Variants in UGT2B7 observed in about 807,000 individuals in gnomAD.
The protein encoded by UGT2B7 is UDP-glucuronosyltransferase 2B7.
In UGT2B7, 51 loss-of-function variants were observed where a neutral mutation model predicts 51.9. The ratio of observed to expected loss-of-function variants is 0.98; its 90% CI spans 0.78 to 1.24. The LOEUF is 1.24. Among genes scored for constraint, UGT2B7 ranks in the 50% most tolerant of loss-of-function variants. The probability of loss-of-function intolerance (pLI) is 0.00; values close to 1 mark genes in which losing one functional copy is unlikely to be tolerated. For missense variants in UGT2B7, 727 were observed against 628.4 expected (o/e 1.16, Z -1.68); for synonymous variants, 225 against 211.6 (o/e 1.06, Z -0.55).
intron 1 of UGT2B7, among the ~76,000 whole-genome samples, chr4:69,052,159 G>A (rs541084223): frequency 1.5e-4 from 23 of 152,178 alleles, no homozygotes; most frequent in African/African-American, 5.5e-4. Context: ...ACATCAGAAG[G>A]AAGCCTGGAC....
intron 1 of UGT2B7, among the ~76,000 whole-genome samples, chr4:69,068,695 G>A (rs1489204145): frequency 1.3e-5 from 2 of 151,826 alleles, no homozygotes; most frequent in African/African-American, 4.8e-5. Context: ...GCCCTCTTCT[G>A]AAAAACACAG....
chr4:69,077,534 C>T (rs1435655874), intron 1 of UGT2B7, among the ~76,000 whole-genome samples: 1 of 151,296 alleles, frequency 6.6e-6, no homozygotes, highest in East Asian at 1.9e-4. Flanking sequence ...GTATTTTATT[C>T]TCTTTGTGTC....
At position 69,104,941 on chromosome 4, in the gene UGT2B7, G is replaced by A. The variant is rs143961937; in HGVS notation, c.1002+2003G>A. Among the ~76,000 whole-genome samples, 275 of 152,168 alleles carry A rather than the reference G, an allele frequency of 1.8e-3. 2 individuals carry two copies. Among genetic ancestry groups the A allele is most frequent in the African/African-American group, 6.4e-3 (267 of 41,510 alleles). ...AGAGGTGTATCTGAGTAATGTTCAG[G>A]GTACTATTCAGAGACAGAACAGCCT... On this transcript the variant is annotated intron_variant, in intron 3 of 5. Coordinates refer to ENST00000305231, the MANE Select transcript of UGT2B7 (RefSeq NM_001074.4).
chr4:69,109,649 A>C (rs913203772), intron 5 of UGT2B7, among the ~76,000 whole-genome samples: 7 of 152,144 alleles, frequency 4.6e-5, no homozygotes, highest in African/African-American at 1.7e-4. Context: ...TAACTTGTAA[A>C]TATTTTGTCC....
intron 3 of UGT2B7, among the ~76,000 whole-genome samples, 187 bp downstream of exon 3, chr4:69,103,125 TTAAG>T (rs201602262): frequency 0.025 from 3,751 of 152,022 alleles, 115 homozygotes; most frequent in South Asian, 0.12. Context: ...TTAAATGGTG[TTAAG>T]TATGAACATT....
At chr4:69,103,234 T>G (rs1221494017) in intron 3 of UGT2B7, among the ~76,000 whole-genome samples, 1 of 152,074 alleles carries the variant, frequency 6.6e-6, no homozygotes, top group African/African-American at 2.4e-5. Flanking sequence ...AATTTTGAAT[T>G]GTGTATGTGA....
intron 1 of UGT2B7, among the ~76,000 whole-genome samples, chr4:69,057,844 C>T (rs1465739350): frequency 1.3e-5 from 2 of 152,142 alleles, no homozygotes; most frequent in African/African-American, 2.4e-5. Flanking sequence ...GCTGAGAGCT[C>T]TCTGTGAATT....
intron 1 of UGT2B7, among the ~76,000 whole-genome samples, chr4:69,082,476 A>G (rs1257519955): frequency 1.3e-5 from 2 of 152,082 alleles, no homozygotes; most frequent in Non-Finnish European, 2.9e-5. Context: ...AAATGGTAAA[A>G]AAGTAAAACC....
chr4:69,108,355 T>C, intron 5 of UGT2B7, 33 bp downstream of exon 5: 1 of 1,607,130 alleles, frequency 6.2e-7, no homozygotes, highest in Non-Finnish European at 8.5e-7. Context: ...CTAGGTGGTA[T>C]TTACAGATAG....
Position 69,073,649 on chromosome 4 carries a change from C to A in UGT2B7, c.-158-15823C>A, listed in dbSNP as rs528156650. 9.7e-4 allele frequency among the ~76,000 whole-genome samples: 148 copies of A among 152,238 alleles called. 1 individual carries two copies. The highest frequency in any genetic ancestry group is 1.7e-3 in the Non-Finnish European group (116 of 68,018). Reference sequence around the variant, plus strand: ...GCAAGAGTTAAGTCAGAATGAAATACACTTGAGACAAACACATTGAATAGG... The same window carrying A: ...GCAAGAGTTAAGTCAGAATGAAATAAACTTGAGACAAACACATTGAATAGG... On this transcript the variant is annotated intron_variant, in intron 1 of 5. Coordinates refer to the UGT2B7 transcript ENST00000502942.
chr4:69,074,421 A>C (rs1386152747), intron 1 of UGT2B7, among the ~76,000 whole-genome samples: 2 of 92,190 alleles, frequency 2.2e-5, no homozygotes, highest in Non-Finnish European at 3.9e-5. Flanking sequence ...ATAACACCTT[A>C]TCTTAAATAT....
rs749983289 is a variant in UGT2B7, at chr4:69,098,594, G to A, written c.776G>A (p.Arg259Gln). 54 of 1,611,398 alleles carry A rather than the reference G, an allele frequency of 3.4e-5. 1 individual carries two copies. Among genetic ancestry groups the A allele is most frequent in the East Asian group, 1.8e-4 (8 of 44,764 alleles). The change falls in exon 2 of 6, where the codon CGA becomes CAA. Residue 259 changes from arginine (R) to glutamine (Q), a missense_variant. Coordinates refer to ENST00000305231, the MANE Select transcript of UGT2B7 (RefSeq NM_001074.4). ...GGGAAAGCTGACGTATGGCTTATTC[G>A]AAACTCCTGGAATTTTCAGTTTCCA... ...TMGKADVWLI[R>Q]NSWNFQFPYP...
rs1393057273 is a variant in UGT2B7, at chr4:69,107,170, A to C, written c.1003-5A>C. 6.2e-6 allele frequency: 10 copies of C among 1,606,428 alleles called. No individual in the cohort carries two copies. The highest frequency in any genetic ancestry group is 8.5e-6 in the Non-Finnish European group (10 of 1,175,892). Reference sequence around the variant, plus strand: ...TGGAATAAAATATTTTCTTTATTGTAACAGGTTCTGTGGAGATTTGATGGG... The same window carrying C: ...TGGAATAAAATATTTTCTTTATTGTCACAGGTTCTGTGGAGATTTGATGGG... On this transcript the variant is annotated splice_region_variant and splice_polypyrimidine_tract_variant and intron_variant, in intron 3 of 5. Transcript: ENST00000305231.
intron 1 of UGT2B7, among the ~76,000 whole-genome samples, chr4:69,078,039 T>G (rs1213275059): frequency 1.3e-5 from 2 of 152,148 alleles, no homozygotes; most frequent in Non-Finnish European, 2.9e-5. Context: ...GAGACAATCA[T>G]GTTTTTTTTG....
At chr4:69,099,914 A>G (rs1312245278) in intron 2 of UGT2B7, among the ~76,000 whole-genome samples, 1 of 152,040 alleles carries the variant, frequency 6.6e-6, no homozygotes, top group Non-Finnish European at 1.5e-5. Flanking sequence ...ATCAGTTTTG[A>G]CAGTAAGATG....
chr4:69,073,110 C>T lies in UGT2B7; in HGVS notation c.-158-16362C>T, dbSNP rs537810959. Among the ~76,000 whole-genome samples, 4 of 152,164 alleles carry T rather than the reference C, an allele frequency of 2.6e-5. No individual in the cohort carries two copies. The South Asian group carries it at 8.3e-4, about 32-fold the overall frequency. ...TACTAGCGGGTTGGATTTTTGATTTCAGTAGTAGCTAGCTCAGACTTGGTT... is the reference window on the plus strand; with the variant it reads ...TACTAGCGGGTTGGATTTTTGATTTTAGTAGTAGCTAGCTCAGACTTGGTT... On this transcript the variant is annotated intron_variant, in intron 1 of 5. Transcript: ENST00000502942.
intron 1 of UGT2B7, among the ~76,000 whole-genome samples, chr4:69,071,202 C>T (rs1718592314): frequency 6.6e-6 from 1 of 152,104 alleles, no homozygotes; most frequent in Admixed American, 6.6e-5. Flanking sequence ...TATAATGTTA[C>T]ATGATTTCTC....
At chr4:69,064,074 AAGAAAGAAAG>A (rs1718424497) in intron 1 of UGT2B7, among the ~76,000 whole-genome samples, 1 of 107,460 alleles carries the variant, frequency 9.3e-6, no homozygotes, top group South Asian at 2.8e-4. Context: ...GAAAGAAAGA[AAGAAAGAAAG>A]AAAGAAAGAA....
rs558712769 is a variant in UGT2B7 at position 69,080,153 on chromosome 4, C to T, written c.-158-9319C>T. Among the ~76,000 whole-genome samples, 5 of 152,110 alleles carry T rather than the reference C, an allele frequency of 3.3e-5. No homozygotes were observed. In the East Asian group the frequency reaches 7.7e-4, roughly 24 times the overall value. The stretch of plus-strand genomic sequence containing the variant: ...AATAGGTTCTGCTAAATAAATGACC[C>T]TGAGTCTCTGAGACATTTGTTGTAT... On this transcript the variant is annotated intron_variant, in intron 1 of 5. Coordinates refer to the UGT2B7 transcript ENST00000502942.
Sources: gnomAD v4.1 joint callset for allele counts (sites outside exome capture counted in the v4.1 genomes callset) on GRCh38, gnomAD v4.1.1 for gene constraint, MANE v1.5 for transcripts, NCBI Gene and HGNC (gene_info 2026-07-23, HGNC 2026-07-21) for gene names.